Variants in WARS2 observed in about 807,000 individuals in gnomAD.
WARS2 encodes the protein tryptophan--tRNA ligase, mitochondrial.
WARS2 carries 28 observed loss-of-function variants against 36.5 expected under a neutral mutation model. The ratio of observed to expected loss-of-function variants is 0.77; its 90% CI spans 0.57 to 1.05. The LOEUF is 1.05. Among genes scored for constraint, WARS2 ranks in the 50% least tolerant of loss-of-function variants. WARS2 has a pLI of 0.00. For synonymous variants in WARS2, 174 were observed against 178.4 expected (o/e 0.98, Z 0.20); for missense variants, 435 against 456.8 (o/e 0.95, Z 0.44).
chr1:119,088,573 C>A (rs961369823), intron 1 of WARS2, among the ~76,000 whole-genome samples: 4 of 152,154 alleles, frequency 2.6e-5, no homozygotes, highest in Admixed American at 2.6e-4. Context: ...TAGGCAGAGG[C>A]CCCTTTGGCT....
intron 1 of WARS2, among the ~76,000 whole-genome samples, chr1:119,106,431 T>C (rs1257362324): frequency 2.0e-5 from 3 of 152,108 alleles, no homozygotes; most frequent in Non-Finnish European, 4.4e-5. Context: ...TGTAGGAGAG[T>C]TTCACTGCCC....
intron 2 of WARS2, among the ~76,000 whole-genome samples, chr1:119,059,535 C>T (rs34614429): frequency 0.06 from 9,148 of 152,156 alleles, 310 homozygotes; most frequent in South Asian, 0.11. Context: ...TTTTCAGTGA[C>T]CTGTAAGTCT....
intron 1 of WARS2, among the ~76,000 whole-genome samples, chr1:119,116,869 G>A (rs898259514): frequency 2.6e-5 from 4 of 152,148 alleles, no homozygotes; most frequent in African/African-American, 7.2e-5. Context: ...AATTTCAACC[G>A]AGCACGAACT....
chr1:119,082,505 T>C (rs988517101), intron 1 of WARS2: 16 of 958,618 alleles, frequency 1.7e-5, no homozygotes, highest in Non-Finnish European at 2.0e-5. Context: ...CTAAGTTAAA[T>C]AACCTGCATA....
At chr1:119,037,924 T>C (rs1648018983) in intron 4 of WARS2, among the ~76,000 whole-genome samples, 2 of 152,254 alleles carry the variant, frequency 1.3e-5, no homozygotes, top group African/African-American at 2.4e-5. Context: ...TCTAAATAGA[T>C]GGCCCCAGAT....
chr1:119,053,999 G>C (rs999003248), intron 2 of WARS2, among the ~76,000 whole-genome samples: 1 of 151,964 alleles, frequency 6.6e-6, no homozygotes, highest in African/African-American at 2.4e-5. Flanking sequence ...CAAGGCTGCA[G>C]TGAGCTATGA....
intron 2 of WARS2, among the ~76,000 whole-genome samples, chr1:119,071,020 TA>T (rs1439472102): frequency 6.6e-6 from 1 of 151,958 alleles, no homozygotes; most frequent in Non-Finnish European, 1.5e-5. Context: ...CTGTCTCTAC[TA>T]AAAATACAAA....
intron 2 of WARS2, among the ~76,000 whole-genome samples, chr1:119,059,591 C>T (rs540541735): frequency 8.5e-5 from 13 of 152,160 alleles, no homozygotes; most frequent in African/African-American, 3.1e-4. Flanking sequence ...TAATAAGCTT[C>T]AAAAGGCAGT....
In WARS2 at chr1:119,033,810, A is replaced by G. The variant is rs59869706; in HGVS notation, c.634+285T>C. On this transcript the variant is annotated intron_variant, in intron 5 of 5. Transcript: ENST00000235521. ...AAGAAGCATCTGTTCATACTTCATAAATTATATACTACTTTATAAATATTA... is the reference window on the plus strand; with the variant it reads ...AAGAAGCATCTGTTCATACTTCATAGATTATATACTACTTTATAAATATTA... Among the ~76,000 whole-genome samples, 621 of 152,298 alleles carry G rather than the reference A, an allele frequency of 4.1e-3. 3 individuals carry two copies. Among genetic ancestry groups the G allele is most frequent in the African/African-American group, 0.014 (600 of 41,560 alleles).
chr1:119,112,092 T>C lies in WARS2; in HGVS notation c.90+28463A>G, dbSNP rs587636119. ...CATGCACCACCATGCCTGGCTAATT[T>C]TGTATTTTTAGTAGAGACGGGGTTT... On this transcript the variant is annotated intron_variant, in intron 1 of 5. Transcript: ENST00000235521. 1.7e-4 allele frequency among the ~76,000 whole-genome samples: 26 copies of C among 152,182 alleles called. No individual in the cohort carries two copies. The East Asian group carries it at 3.9e-3, about 23-fold the overall frequency.
chr1:119,043,299 C>A (rs1225295156), intron 3 of WARS2, among the ~76,000 whole-genome samples: 1 of 152,152 alleles, frequency 6.6e-6, no homozygotes, highest in East Asian at 1.9e-4. Flanking sequence ...TGAATCATTT[C>A]CCTCAAGTCT....
At chr1:119,100,398 T>C (rs1468362353) in intron 1 of WARS2, among the ~76,000 whole-genome samples, 1 of 152,150 alleles carries the variant, frequency 6.6e-6, no homozygotes, top group Non-Finnish European at 1.5e-5. Flanking sequence ...CTTTAAAAAC[T>C]AAAAATAGAA....
intron 1 of WARS2, among the ~76,000 whole-genome samples, chr1:119,079,426 T>C (rs587738330): frequency 1.3e-5 from 2 of 152,300 alleles, no homozygotes; most frequent in African/African-American, 4.8e-5. Context: ...CCCTGTTCAT[T>C]TTTTGCTGCT....
intron 1 of WARS2, among the ~76,000 whole-genome samples, chr1:119,125,979 C>T (rs1655625932): frequency 6.6e-6 from 1 of 152,182 alleles, no homozygotes; most frequent in Admixed American, 6.5e-5. Flanking sequence ...CAGTCTGCAA[C>T]CTTCTACCTT....
At chr1:119,081,461 A>G (rs1469151908) in intron 1 of WARS2, among the ~76,000 whole-genome samples, 6 of 152,238 alleles carry the variant, frequency 3.9e-5, no homozygotes, top group Non-Finnish European at 8.8e-5. Context: ...TGTAACAGCA[A>G]TTGTTCATTC....
At chr1:119,051,686 A>AC (rs1356510715) in intron 2 of WARS2, among the ~76,000 whole-genome samples, 7 of 151,652 alleles carry the variant, frequency 4.6e-5, no homozygotes, top group Non-Finnish European at 1.0e-4. Context: ...TTACTCCATA[A>AC]CCTGGCCAGC....
At chr1:119,075,949 A>G (rs1285434794) in intron 2 of WARS2, among the ~76,000 whole-genome samples, 1 of 152,258 alleles carries the variant, frequency 6.6e-6, no homozygotes, top group African/African-American at 2.4e-5. Flanking sequence ...AGAACATCTA[A>G]TAAAGCAACA....
In WARS2 at chr1:119,033,208, G is replaced by A; in HGVS notation, c.786C>T (p.Val262=). The part of the protein sequence containing the change: ...RKAVTDFTSE[V]TYDPAGRAGV... Reference sequence around the variant, plus strand: ...CAGCGCGGCCAGCCGGGTCATAGGTGACCTCCGAGGTGAAGTCTGTCACAG... The same window carrying A: ...CAGCGCGGCCAGCCGGGTCATAGGTAACCTCCGAGGTGAAGTCTGTCACAG... Residue 262 remains valine, a synonymous_variant, in exon 6 of 6, where the codon GTC becomes GTT. Transcript: ENST00000235521. 1.2e-6 allele frequency: 2 copies of A among 1,614,268 alleles called. No homozygotes were observed. The highest frequency in any genetic ancestry group is 1.7e-6 in the Non-Finnish European group (2 of 1,180,058).
intron 1 of WARS2, among the ~76,000 whole-genome samples, chr1:119,122,479 TATG>T (rs766493620): frequency 1.1e-4 from 16 of 152,192 alleles, no homozygotes; most frequent in Non-Finnish European, 2.1e-4. Flanking sequence ...TGGAAAACAC[TATG>T]AAGATTCCTT....
Sources: gnomAD v4.1 joint callset for allele counts (sites outside exome capture counted in the v4.1 genomes callset) on GRCh38, gnomAD v4.1.1 for gene constraint, MANE v1.5 for transcripts, NCBI Gene and HGNC (gene_info 2026-07-23, HGNC 2026-07-21) for gene names.